Variants in B3GALT1 observed in about 807,000 individuals in gnomAD.
B3GALT1 encodes beta-1,3-galactosyltransferase 1, also known as UDP-Gal:betaGlcNAc beta 1,3-galactosyltransferase, polypeptide 1.
A neutral mutation model predicts 23.2 loss-of-function variants in B3GALT1; 10 were observed. The observed-to-expected ratio is 0.43, with a 90% CI of 0.27 to 0.73. B3GALT1 has a LOEUF of 0.73. Among genes scored for constraint, B3GALT1 ranks in the 30% least tolerant of loss-of-function variants. B3GALT1 has a pLI of 0.21. For synonymous variants in B3GALT1, 156 were observed against 141.5 expected, an observed-to-expected ratio of 1.10 and a Z score of -0.73; for missense variants, 299 against 405.4, an observed-to-expected ratio of 0.74 and a Z score of 2.25.
chr2:167,711,935 T>C (rs1208464563), intron 3 of B3GALT1, among the ~76,000 whole-genome samples: 1 of 152,184 alleles, frequency 6.6e-6, no homozygotes, highest in South Asian at 2.1e-4. Flanking sequence ...GCCACTACAC[T>C]CTAGCCTGGG....
At chr2:167,404,374 A>G (rs922240955) in intron 1 of B3GALT1, among the ~76,000 whole-genome samples, 3 of 152,202 alleles carry the variant, frequency 2.0e-5, no homozygotes, top group Non-Finnish European at 4.4e-5. Flanking sequence ...AAACCAAATG[A>G]TAACAGAAAT....
At chr2:167,354,660 G>A (rs750285246) in intron 1 of B3GALT1, among the ~76,000 whole-genome samples, 44 of 152,074 alleles carry the variant, frequency 2.9e-4, no homozygotes, top group Non-Finnish European at 4.4e-4. Flanking sequence ...TCTTATGTCT[G>A]TTTTCTTTTT....
chr2:167,557,518 G>A (rs1683875880), intron 2 of B3GALT1, among the ~76,000 whole-genome samples: 1 of 152,094 alleles, frequency 6.6e-6, no homozygotes, highest in Non-Finnish European at 1.5e-5. Flanking sequence ...AACAGTATTT[G>A]GCAGGACACA....
chr2:167,749,970 T>A (rs1687709815), intron 3 of B3GALT1, among the ~76,000 whole-genome samples: 7 of 151,600 alleles, frequency 4.6e-5, no homozygotes. Flanking sequence ...TTTATTTTAA[T>A]CAGTGCAAAG....
intron 3 of B3GALT1, among the ~76,000 whole-genome samples, chr2:167,806,780 T>A (rs1688765152): frequency 6.6e-6 from 1 of 152,310 alleles, no homozygotes; most frequent in Non-Finnish European, 1.5e-5. Context: ...AATTCTCTTT[T>A]TTTGTTGTGT....
chr2:167,309,868 G>T (rs1486408602), intron 1 of B3GALT1, among the ~76,000 whole-genome samples: 1 of 151,850 alleles, frequency 6.6e-6, no homozygotes, highest in African/African-American at 2.4e-5. Flanking sequence ...TCAGTAAATG[G>T]TATTGTCCAA....
At position 167,866,966 on chromosome 2, in the gene B3GALT1, G is replaced by T. The variant is rs112644914; in HGVS notation, c.-229-1845G>T. ...TTTTGAGACGGAGTCTCACTTTGTCGCCCAGGCTGGAGTGCAGTGGCGCAA... is the reference window on the plus strand; with the variant it reads ...TTTTGAGACGGAGTCTCACTTTGTCTCCCAGGCTGGAGTGCAGTGGCGCAA... On this transcript the variant is annotated intron_variant, in intron 4 of 4. Coordinates refer to ENST00000392690, the MANE Select transcript of B3GALT1 (RefSeq NM_020981.4). Among the ~76,000 whole-genome samples the T allele has an allele frequency of 2.6e-3, 400 of 151,710 alleles. 1 individual carries two copies. The highest frequency in any genetic ancestry group is 4.0e-3 in the Non-Finnish European group (272 of 67,898).
At chr2:167,810,361 T>C (rs1688860537) in intron 3 of B3GALT1, among the ~76,000 whole-genome samples, 2 of 150,920 alleles carry the variant, frequency 1.3e-5, no homozygotes, top group South Asian at 2.1e-4. Flanking sequence ...TCACCCGTCT[T>C]CTCTGTGGCT....
chr2:167,720,222 A>G (rs553967499), intron 3 of B3GALT1, among the ~76,000 whole-genome samples: 1 of 152,202 alleles, frequency 6.6e-6, no homozygotes, highest in Admixed American at 6.5e-5. Context: ...ATTGGCTTTT[A>G]TATGGTGAAA....
chr2:167,749,933 G>A (rs1687709278), intron 3 of B3GALT1, among the ~76,000 whole-genome samples: 1 of 152,230 alleles, frequency 6.6e-6, no homozygotes, highest in Non-Finnish European at 1.5e-5. Flanking sequence ...CAATGTAAGA[G>A]CTCTGCCCTT....
chr2:167,632,726 T>C (rs1312596730), intron 2 of B3GALT1, among the ~76,000 whole-genome samples: 1 of 152,106 alleles, frequency 6.6e-6, no homozygotes, highest in East Asian at 1.9e-4. Flanking sequence ...ATTGCAAAAA[T>C]TTTCTCCCAT....
At chr2:167,535,154 A>C (rs532378993) in intron 2 of B3GALT1, among the ~76,000 whole-genome samples, 1 of 152,304 alleles carries the variant, frequency 6.6e-6, no homozygotes, top group South Asian at 2.1e-4. Flanking sequence ...TCTTAGAGTA[A>C]GTCATTAGAA....
intron 2 of B3GALT1, among the ~76,000 whole-genome samples, chr2:167,625,209 T>C (rs950597718): frequency 2.0e-5 from 3 of 151,906 alleles, no homozygotes; most frequent in Admixed American, 6.6e-5. Context: ...ATCCAAGTCA[T>C]GTGCTTTTTG....
chr2:167,667,099 C>T (rs1424553804), intron 3 of B3GALT1, among the ~76,000 whole-genome samples: 1 of 151,980 alleles, frequency 6.6e-6, no homozygotes, highest in African/African-American at 2.4e-5. Context: ...TGGTTGTTCC[C>T]TTCCATGTTT....
intron 2 of B3GALT1, among the ~76,000 whole-genome samples, chr2:167,535,849 A>T (rs1683409253): frequency 6.6e-6 from 1 of 152,174 alleles, no homozygotes; most frequent in African/African-American, 2.4e-5. Context: ...TACAGGGTCA[A>T]AAAGTTCAGT....
chr2:167,661,506 C>T (rs2105472896), intron 3 of B3GALT1, among the ~76,000 whole-genome samples: 1 of 152,168 alleles, frequency 6.6e-6, no homozygotes, highest in Middle Eastern at 3.4e-3. Flanking sequence ...AACTTACTGA[C>T]ATTTGGAACT....
At chr2:167,825,016 G>A (rs1377055010) in intron 4 of B3GALT1, among the ~76,000 whole-genome samples, 1 of 151,920 alleles carries the variant, frequency 6.6e-6, no homozygotes, top group African/African-American at 2.4e-5. Flanking sequence ...TAGAAAACAA[G>A]CAAAACTGCC....
chr2:167,819,181 G>C (rs924748959), intron 4 of B3GALT1, among the ~76,000 whole-genome samples: 8 of 151,944 alleles, frequency 5.3e-5, no homozygotes, highest in African/African-American at 1.9e-4. Flanking sequence ...TAAACTATTA[G>C]GTAACTAAAG....
chr2:167,501,208 T>G (rs1173509547), intron 2 of B3GALT1, among the ~76,000 whole-genome samples: 2 of 152,082 alleles, frequency 1.3e-5, no homozygotes, highest in Non-Finnish European at 2.9e-5. Flanking sequence ...CTCTTTAAAG[T>G]GGGTATGTTG....
Sources: allele counts gnomAD v4.1 joint callset (sites outside exome capture counted in the v4.1 genomes callset), GRCh38; gene constraint gnomAD v4.1.1; transcripts MANE v1.5; gene names NCBI Gene and HGNC (gene_info 2026-07-23, HGNC 2026-07-21).